ITPK1: variants seen among roughly 807,000 people sequenced by gnomAD.
ITPK1 encodes the protein inositol 1,3,4-trisphosphate 5/6-kinase.
In ITPK1, 21 loss-of-function variants were observed where a neutral mutation model predicts 45.3. The ratio of observed to expected loss-of-function variants is 0.46; its 90% CI spans 0.33 to 0.67. ITPK1 has a LOEUF of 0.67. Ranked by LOEUF, ITPK1 falls within the 30% of genes least tolerant of loss-of-function variation. ITPK1 has a pLI of 0.02. For synonymous variants in ITPK1, 258 were observed against 253.6 expected, an observed-to-expected ratio of 1.02 and a Z score of -0.16; for missense variants, 474 against 573.5, an observed-to-expected ratio of 0.83 and a Z score of 1.77.
rs1438208495 is a variant in ITPK1 at position 93,022,563 on chromosome 14, A to C, written c.121-5762T>G. Among the ~76,000 whole-genome samples the C allele has an allele frequency of 2.0e-5, 3 of 149,470 alleles. No homozygotes were observed. The South Asian group carries it at 6.3e-4, about 31-fold the overall frequency. On this transcript the variant is annotated intron_variant, in intron 3 of 10. Coordinates refer to ENST00000267615, the MANE Select transcript of ITPK1 (RefSeq NM_014216.6). ...AGTCTCGGTCTACCGTCGAGGCTGG[A>C]GTACAGTGGCATGATCTCCACTCAG... is the stretch of plus-strand genomic sequence containing the variant.
chr14:92,957,955 T>A lies in ITPK1; in HGVS notation c.670+246A>T, dbSNP rs1884833737. Among the ~76,000 whole-genome samples, 3 of 152,128 alleles carry A rather than the reference T, an allele frequency of 2.0e-5. No homozygotes were observed. In the South Asian group the frequency reaches 6.2e-4, roughly 32 times the overall value. ...TGGGGACAGAACACTTCTGGATGCA[T>A]CCTGGAGTCTACGGTGGTTCAGGTG... On this transcript the variant is annotated intron_variant, in intron 8 of 10. Transcript: ENST00000267615.
intron 2 of ITPK1, among the ~76,000 whole-genome samples, chr14:93,086,924 G>A (rs147999812): frequency 1.5e-3 from 221 of 152,340 alleles, no homozygotes; most frequent in African/African-American, 5.0e-3. Flanking sequence ...CGGGATGGCA[G>A]GTCAAAGGAA....
At chr14:93,031,375 T>G (rs1218560781) in intron 3 of ITPK1, among the ~76,000 whole-genome samples, 1 of 152,226 alleles carries the variant, frequency 6.6e-6, no homozygotes, top group Non-Finnish European at 1.5e-5. Flanking sequence ...TCAGTCCCTT[T>G]GGAGAGACCG....
At chr14:92,992,764 C>T (rs932004538) in intron 5 of ITPK1, among the ~76,000 whole-genome samples, 4 of 152,250 alleles carry the variant, frequency 2.6e-5, no homozygotes, top group African/African-American at 4.8e-5. Flanking sequence ...CTGAGTCAGA[C>T]AGACCTGGCT....
At chr14:92,994,298 A>G (rs1886941429) in intron 4 of ITPK1, among the ~76,000 whole-genome samples, 1 of 152,210 alleles carries the variant, frequency 6.6e-6, no homozygotes, top group African/African-American at 2.4e-5. Context: ...GATCCACTCC[A>G]GGCACTGGCT....
intron 9 of ITPK1, among the ~76,000 whole-genome samples, chr14:92,949,670 C>G (rs1344540395): frequency 6.6e-6 from 1 of 152,268 alleles, no homozygotes; most frequent in East Asian, 1.9e-4. Context: ...GCTGCTGCCT[C>G]AGGCTGACAG....
In ITPK1 at chr14:93,115,204, C is replaced by A. The variant is rs764395362; in HGVS notation, c.-41G>T. The A allele has an allele frequency of 1.4e-6, 2 of 1,450,530 alleles. No homozygotes were observed. Among genetic ancestry groups the A allele is most frequent in the Non-Finnish European group, 1.9e-6 (2 of 1,046,664 alleles). 89.9% of individuals were successfully genotyped at this position (1,450,530 alleles called of 1,614,324 possible). A position where few individuals can be genotyped will look rare whatever the true frequency, so the allele number is the denominator to read the frequency against. ...GGGAGCCTGGGTCCGGAGGAAATCG[C>A]CCACAGGCCGAGTCTGGCGGCCGGC... On this transcript the variant is annotated 5_prime_UTR_variant, in exon 2 of 11. Coordinates refer to ENST00000267615, the MANE Select transcript of ITPK1 (RefSeq NM_014216.6).
chr14:93,041,706 T>C (rs1889570181), intron 3 of ITPK1, among the ~76,000 whole-genome samples: 1 of 152,220 alleles, frequency 6.6e-6, no homozygotes, highest in South Asian at 2.1e-4. Context: ...GAATGCTCCC[T>C]GTCCTGCTTC....
intron 2 of ITPK1, among the ~76,000 whole-genome samples, chr14:93,108,585 A>C (rs533112382): frequency 6.6e-6 from 1 of 152,386 alleles, no homozygotes; most frequent in East Asian, 1.9e-4. Flanking sequence ...CACTAGGTGA[A>C]ATATGAATCC....
chr14:92,962,086 C>T (rs144903355), intron 7 of ITPK1, among the ~76,000 whole-genome samples: 114 of 152,350 alleles, frequency 7.5e-4, no homozygotes, highest in Non-Finnish European at 1.5e-3. Flanking sequence ...ACGACAGGCT[C>T]CACAGAGGAC....
intron 3 of ITPK1, chr14:93,071,691 C>T (rs1485786213): frequency 2.0e-5 from 3 of 152,208 alleles, no homozygotes; most frequent in African/African-American, 7.2e-5. Context: ...TCTTCTTTAA[C>T]CATTGGAAAT....
At chr14:93,041,073 A>G (rs1444863986) in intron 3 of ITPK1, among the ~76,000 whole-genome samples, 3 of 152,180 alleles carry the variant, frequency 2.0e-5, no homozygotes, top group Non-Finnish European at 4.4e-5. Flanking sequence ...TACGACAGCC[A>G]TGAACCTAAT....
At chr14:93,064,317 G>T (rs944627009) in intron 3 of ITPK1, among the ~76,000 whole-genome samples, 1 of 152,168 alleles carries the variant, frequency 6.6e-6, no homozygotes, top group Non-Finnish European at 1.5e-5. Context: ...TAGAGATGGG[G>T]TCTCACTATG....
rs563496820 is a variant in ITPK1 at position 92,938,640 on chromosome 14, G to A, written c.*2921C>T. 4.7e-6 allele frequency: 4 copies of A among 852,112 alleles called. No homozygotes were observed. Among genetic ancestry groups the A allele is most frequent in the African/African-American group, 1.7e-5 (1 of 59,814 alleles). The allele number at this position is 852,112 out of a possible 1,614,324, so 52.8% of individuals were successfully genotyped here. A position where few individuals can be genotyped will look rare whatever the true frequency, so the allele number is the denominator to read the frequency against. The stretch of plus-strand genomic sequence containing the variant: ...CATGGAACCTGCCAGGTTGCAGCTG[G>A]GTCCAATCCCGCCGGCCATGCTGGG... On this transcript the variant is annotated 3_prime_UTR_variant, in exon 11 of 11. Coordinates refer to ENST00000267615, the MANE Select transcript of ITPK1 (RefSeq NM_014216.6).
chr14:93,076,717 G>A lies in ITPK1; in HGVS notation c.96-98C>T, dbSNP rs1217882352. ...GCCGGCTGAGGGCAGGACCATGAGA[G>A]GGTTTCAGGAGGGAGCCGGCAGCTG... On this transcript the variant is annotated intron_variant, in intron 2 of 10. Coordinates refer to ENST00000267615, the MANE Select transcript of ITPK1 (RefSeq NM_014216.6). The surrounding 1 kb of genome is among the most constrained non-coding windows in gnomAD (Gnocchi z 4.3). The A allele has an allele frequency of 6.8e-7, 1 of 1,475,418 alleles. No individual in the cohort carries two copies. Among genetic ancestry groups the A allele is most frequent in the East Asian group, 2.3e-5 (1 of 44,232 alleles). The allele number at this position is 1,475,418 out of a possible 1,614,324, so 91.4% of individuals were successfully genotyped here.
intron 10 of ITPK1, among the ~76,000 whole-genome samples, chr14:92,945,237 G>A (rs1439327975): frequency 6.6e-6 from 1 of 152,276 alleles, no homozygotes; most frequent in Non-Finnish European, 1.5e-5. Flanking sequence ...CCAGCTGAAT[G>A]ACAGGAGCCA....
chr14:92,980,568 T>G (rs1387986630), intron 5 of ITPK1, among the ~76,000 whole-genome samples: 3 of 152,236 alleles, frequency 2.0e-5, no homozygotes, highest in Non-Finnish European at 2.9e-5. Context: ...CCTTCTCATC[T>G]CTGCCTGTTG....
At chr14:92,952,898 G>A (rs548302584) in intron 8 of ITPK1, among the ~76,000 whole-genome samples, 64 of 152,378 alleles carry the variant, frequency 4.2e-4, no homozygotes, top group African/African-American at 1.5e-3. Context: ...ATGAGCCTCA[G>A]GCCGAGTTCT....
chr14:93,052,707 C>T (rs1431792424), intron 3 of ITPK1, among the ~76,000 whole-genome samples: 1 of 152,198 alleles, frequency 6.6e-6, no homozygotes, highest in East Asian at 1.9e-4. Flanking sequence ...CGCACCACCA[C>T]CCTCCCTCCA....
Sources: gnomAD v4.1 joint callset for allele counts (sites outside exome capture counted in the v4.1 genomes callset) on GRCh38, gnomAD v4.1.1 for gene constraint, Gnocchi (gnomAD v3.1) non-coding constraint, MANE v1.5 for transcripts, NCBI Gene and HGNC (gene_info 2026-07-23, HGNC 2026-07-21) for gene names.